GRID1: variants seen among roughly 807,000 people sequenced by gnomAD.
GRID1 encodes glutamate receptor ionotropic, delta-1.
GRID1 carries 28 observed loss-of-function variants against 98.0 expected under a neutral mutation model. The observed-to-expected ratio is 0.29, with a 90% CI of 0.21 to 0.39. The LOEUF is 0.39. GRID1 is among the 10% of genes least tolerant of loss of function. The pLI, the probability that GRID1 is intolerant of heterozygous loss-of-function variation, is 1.00. For missense variants in GRID1, 1,111 were observed against 1,340.5 expected (o/e 0.83, Z 2.67); for synonymous variants, 553 against 538.5 (o/e 1.03, Z -0.37).
chr10:86,346,575 G>A (rs1848385778), intron 2 of GRID1, among the ~76,000 whole-genome samples: 1 of 152,244 alleles, frequency 6.6e-6, no homozygotes, highest in Admixed American at 6.5e-5. Flanking sequence ...CACAGTGCTA[G>A]GACTTCTATT....
intron 4 of GRID1, among the ~76,000 whole-genome samples, chr10:85,953,459 T>G (rs554761262): frequency 1.3e-5 from 2 of 152,072 alleles, no homozygotes; most frequent in Non-Finnish European, 2.9e-5. Flanking sequence ...ACAACAAAAG[T>G]TATATGTAAA....
chr10:85,747,915 A>G (rs1175138287), intron 8 of GRID1, among the ~76,000 whole-genome samples: 2 of 152,232 alleles, frequency 1.3e-5, no homozygotes, highest in Non-Finnish European at 1.5e-5. Flanking sequence ...TCTTTAGTTT[A>G]TACATGTAAC....
intron 2 of GRID1, among the ~76,000 whole-genome samples, chr10:86,360,809 A>G (rs1848590686): frequency 6.6e-6 from 1 of 152,208 alleles, no homozygotes; most frequent in South Asian, 2.1e-4. Flanking sequence ...GCAGAGCTCC[A>G]GGGTCACACC....
At chr10:86,005,295 T>C (rs1245100088) in intron 4 of GRID1, among the ~76,000 whole-genome samples, 1 of 152,062 alleles carries the variant, frequency 6.6e-6, no homozygotes, top group African/African-American at 2.4e-5. Flanking sequence ...AGGGCATACA[T>C]TTGTAATGCT....
intron 2 of GRID1, among the ~76,000 whole-genome samples, chr10:86,314,489 C>T (rs957575732): frequency 2.0e-5 from 3 of 152,208 alleles, no homozygotes; most frequent in Non-Finnish European, 4.4e-5. Flanking sequence ...CAGAGCCTGG[C>T]CTGGGGAAAT....
At chr10:85,738,594 C>T (rs1319476302) in intron 8 of GRID1, among the ~76,000 whole-genome samples, 4 of 152,130 alleles carry the variant, frequency 2.6e-5, no homozygotes, top group Admixed American at 6.5e-5. Flanking sequence ...TGAAACTCTC[C>T]AAATGTGGAT....
At chr10:86,249,885 T>C (rs1159162882) in intron 2 of GRID1, among the ~76,000 whole-genome samples, 1 of 152,092 alleles carries the variant, frequency 6.6e-6, no homozygotes, top group Non-Finnish European at 1.5e-5. Flanking sequence ...AATGGATGGA[T>C]GGTGGAAGGA....
In GRID1 at chr10:86,135,440, C is replaced by T. The variant is rs201016380; in HGVS notation, c.726+3379G>A. On this transcript the variant is annotated intron_variant, in intron 4 of 15. Transcript: ENST00000327946. ...CCATGGTGCCCCCAGGCCTGGGATCCGGAGACCTGAGTTCTATCACCCTCA... is the reference window on the plus strand; with the variant it reads ...CCATGGTGCCCCCAGGCCTGGGATCTGGAGACCTGAGTTCTATCACCCTCA... Among the ~76,000 whole-genome samples the T allele has an allele frequency of 6.0e-5, 9 of 150,486 alleles. No individual in the cohort carries two copies. The East Asian group carries it at 8.0e-4, about 13-fold the overall frequency.
intron 4 of GRID1, among the ~76,000 whole-genome samples, chr10:85,924,106 A>AGAAT (rs774502832): frequency 1.3e-5 from 2 of 152,126 alleles, no homozygotes; most frequent in African/African-American, 2.4e-5. Context: ...ATGTGCCTAC[A>AGAAT]GAATGAATGA....
rs147722378 is a variant in GRID1 at position 85,689,107 on chromosome 10, C to A, written c.1997+33896G>T. Among the ~76,000 whole-genome samples, 16 of 152,250 alleles carry A rather than the reference C, an allele frequency of 1.1e-4. No individual in the cohort carries two copies. In the East Asian group the frequency reaches 3.1e-3, roughly 29 times the overall value. ...GCTTTTCAGTTTAAAATGTCTCCGT[C>A]GAGCACGCACAACTCTCCCAACTTC... is the stretch of plus-strand genomic sequence containing the variant. On this transcript the variant is annotated intron_variant, in intron 12 of 15. Coordinates refer to ENST00000327946, the MANE Select transcript of GRID1 (RefSeq NM_017551.3).
At chr10:85,692,545 C>T (rs905731193) in intron 12 of GRID1, among the ~76,000 whole-genome samples, 4 of 151,406 alleles carry the variant, frequency 2.6e-5, no homozygotes, top group African/African-American at 9.7e-5. Flanking sequence ...TGCCTGTGGT[C>T]CCAGCTACAC....
At chr10:86,130,176 T>C (rs1380386975) in intron 4 of GRID1, among the ~76,000 whole-genome samples, 1 of 139,738 alleles carries the variant, frequency 7.2e-6, no homozygotes, top group Non-Finnish European at 1.5e-5. Context: ...ACATGCTTAC[T>C]GTTGCATGAC....
intron 2 of GRID1, among the ~76,000 whole-genome samples, chr10:86,344,733 C>G: frequency 6.6e-6 from 1 of 152,230 alleles, no homozygotes; most frequent in East Asian, 1.9e-4. Context: ...CTAGACAACT[C>G]TTGTGGCCCA....
At chr10:86,075,686 G>C (rs1442510963) in intron 4 of GRID1, among the ~76,000 whole-genome samples, 1 of 152,206 alleles carries the variant, frequency 6.6e-6, no homozygotes, top group Non-Finnish European at 1.5e-5. Context: ...ACAGGATGGA[G>C]GGCTTGTATT....
intron 8 of GRID1, among the ~76,000 whole-genome samples, chr10:85,766,730 T>TTGTGTG (rs35691322): frequency 0.036 from 4,971 of 138,370 alleles, 166 homozygotes; most frequent in East Asian, 0.083. Flanking sequence ...AGGCAGATGA[T>TTGTGTG]TGTGTGTGTG....
chr10:86,072,065 G>A (rs1843812751), intron 4 of GRID1, among the ~76,000 whole-genome samples: 1 of 152,196 alleles, frequency 6.6e-6, no homozygotes, highest in South Asian at 2.1e-4. Context: ...GGAACCGGGG[G>A]TGAAGGAAAG....
intron 8 of GRID1, among the ~76,000 whole-genome samples, chr10:85,779,173 T>C (rs1043264165): frequency 6.6e-6 from 1 of 152,156 alleles, no homozygotes; most frequent in Admixed American, 6.5e-5. Flanking sequence ...GGAAGGAAAA[T>C]GTAGCTCGGA....
At chr10:85,693,279 T>C (rs1841353909) in intron 12 of GRID1, among the ~76,000 whole-genome samples, 1 of 152,198 alleles carries the variant, frequency 6.6e-6, no homozygotes, top group Non-Finnish European at 1.5e-5. Flanking sequence ...TATCCCAGTT[T>C]CTGCTTAGTC....
chr10:86,353,418 A>T (rs1848488459), intron 2 of GRID1, among the ~76,000 whole-genome samples: 1 of 152,230 alleles, frequency 6.6e-6, no homozygotes, highest in Admixed American at 6.5e-5. Context: ...GTATGTATGC[A>T]TGTGTGTACA....
Sources: gnomAD v4.1 joint callset for allele counts (sites outside exome capture counted in the v4.1 genomes callset) on GRCh38, gnomAD v4.1.1 for gene constraint, MANE v1.5 for transcripts, NCBI Gene and HGNC (gene_info 2026-07-23, HGNC 2026-07-21) for gene names.